VPS11: variants seen among roughly 807,000 people sequenced by gnomAD.
VPS11 encodes VPS11 core subunit of CORVET and HOPS complexes.
VPS11 carries 51 observed loss-of-function variants against 106.8 expected under a neutral mutation model. The ratio of observed to expected loss-of-function variants is 0.48; its 90% confidence interval spans 0.38 to 0.60. VPS11 has a LOEUF of 0.60. Ranked by LOEUF, VPS11 falls within the 20% of genes least tolerant of loss-of-function variation. The pLI, the probability that VPS11 is intolerant of heterozygous loss-of-function variation, is 0.00. For synonymous variants in VPS11, 453 were observed against 458.7 expected (o/e 0.99, Z 0.16); for missense variants, 950 against 1,190.0 (o/e 0.80, Z 2.97).
intron 9 of VPS11, 76 bp from the exon 10 acceptor site, chr11:119,077,802 A>G (rs1002758698): frequency 1.8e-5 from 28 of 1,574,590 alleles, no homozygotes; most frequent in Non-Finnish European, 2.4e-5. Context: ...TTTTGAAGAC[A>G]TCTCCAGAAT....
intron 1 of VPS11, 158 bp downstream of exon 1, chr11:119,068,168 C>G (rs1000981593): frequency 3.3e-5 from 28 of 853,754 alleles, no homozygotes; most frequent in Non-Finnish European, 4.5e-5. Flanking sequence ...GAAGGAAGTC[C>G]ATCTCCTAAC....
rs1257852480 is a variant in VPS11 at position 119,077,569 on chromosome 11, C to T, written c.1494C>T (p.Tyr498=). 4 of 1,613,910 alleles carry T rather than the reference C, an allele frequency of 2.5e-6. No individual in the cohort carries two copies. In the East Asian group the frequency reaches 8.9e-5, roughly 36 times the overall value. The change falls in exon 9 of 16, where the codon TAC becomes TAT. Residue 498 remains tyrosine, a synonymous_variant. Coordinates refer to ENST00000621676, the MANE Select transcript of VPS11 (RefSeq NM_021729.6). ...TCAAGGTCCTCCGGCAGGCTGGCTA[C>T]TACTCCCATGCCCTGTATCTGGCGG... is the stretch of plus-strand genomic sequence containing the variant. The part of the protein sequence containing the change: ...TAIKVLRQAG[Y]YSHALYLAEN...
chr11:119,069,536 C>T lies in VPS11; in HGVS notation c.431C>T (p.Ser144Phe). ...AIPGTEPTVVSCLTVHENLNF... is the reference protein window; with the variant it reads ...AIPGTEPTVVFCLTVHENLNF... ...CCAGGAACAGAGCCAACTGTTGTAT[C>T]TTGTTTGACTGTCCATGAAAATCTC... Residue 144 changes from serine (S) to phenylalanine (F), a missense_variant, in exon 3 of 16, where the codon TCT (serine) becomes TTT (phenylalanine). Transcript: ENST00000621676. The T allele has an allele frequency of 6.2e-7, 1 of 1,614,036 alleles. No individual in the cohort carries two copies. The highest frequency in any genetic ancestry group is 8.5e-7 in the Non-Finnish European group (1 of 1,179,906).
rs1945858491 is a variant in VPS11, at chr11:119,081,683, C to T, written c.*60C>T. 2 of 1,582,882 alleles carry T rather than the reference C, an allele frequency of 1.3e-6. No individual in the cohort carries two copies. The highest frequency in any genetic ancestry group is 1.7e-6 in the Non-Finnish European group (2 of 1,162,766). ...ACCAAGAGAACAGACACAATGGGACCTGGGCGGGCGTTACACAGAAGGCTG... is the reference window on the plus strand; with the variant it reads ...ACCAAGAGAACAGACACAATGGGACTTGGGCGGGCGTTACACAGAAGGCTG... On this transcript the variant is annotated 3_prime_UTR_variant, in exon 16 of 16. Coordinates refer to ENST00000621676, the MANE Select transcript of VPS11 (RefSeq NM_021729.6).
Position 119,071,214 on chromosome 11 carries a change from G to A in VPS11, c.637-382G>A, listed in dbSNP as rs182870941. Among the ~76,000 whole-genome samples the A allele has an allele frequency of 2.0e-5, 3 of 152,312 alleles. No homozygotes were observed. In the East Asian group the frequency reaches 5.8e-4, roughly 29 times the overall value. Reference sequence around the variant, plus strand: ...CAAAGTGCTGGAATTACAGGCATGAGCCACTGCACCGGCCTATTTTCTAAC... The same window carrying A: ...CAAAGTGCTGGAATTACAGGCATGAACCACTGCACCGGCCTATTTTCTAAC... On this transcript the variant is annotated intron_variant, in intron 4 of 15. Transcript: ENST00000621676.
In VPS11 at chr11:119,077,574, C is replaced by T. The variant is rs1267954522; in HGVS notation, c.1499C>T (p.Ser500Phe). The change falls in exon 9 of 16, where the codon TCC (serine) becomes TTC (phenylalanine). Residue 500 changes from serine (S) to phenylalanine (F), a missense_variant. Physicochemically the swap from Ser to Phe is radical, Grantham distance 155. Coordinates refer to ENST00000621676, the MANE Select transcript of VPS11 (RefSeq NM_021729.6). ...GTCCTCCGGCAGGCTGGCTACTACTCCCATGCCCTGTATCTGGCGGAGAAC... is the reference window on the plus strand; with the variant it reads ...GTCCTCCGGCAGGCTGGCTACTACTTCCATGCCCTGTATCTGGCGGAGAAC... The part of the protein sequence containing the change: ...IKVLRQAGYY[S>F]HALYLAENHA... The T allele has an allele frequency of 1.2e-6, 2 of 1,613,986 alleles. No homozygotes were observed. The highest frequency in any genetic ancestry group is 4.5e-5 in the East Asian group (2 of 44,894).
rs1945208004 is a variant in VPS11 at position 119,068,443 on chromosome 11, C to CTTTTTTTTTTTTTTTTTTTTTTTTTTT, written c.187+433_187+434insTTTTTTTTTTTTTTTTTTTTTTTTTTT. ...CTGCTACTAAATTCTGGCCTTTTTA[C>CTTTTTTTTTTTTTTTTTTTTTTTTTTT]CTTTTTTTTTTTTTTTTTTTTTTTG... On this transcript the variant is annotated intron_variant, in intron 1 of 15. Coordinates refer to ENST00000621676, the MANE Select transcript of VPS11 (RefSeq NM_021729.6). Among the ~76,000 whole-genome samples, 9 of 35,796 alleles carry CTTTTTTTTTTTTTTTTTTTTTTTTTTT rather than the reference C, an allele frequency of 2.5e-4. 4 individuals carry two copies. The highest frequency in any genetic ancestry group is 1.2e-4 in the African/African-American group (2 of 17,272). The allele number at this position is 35,796 out of a possible 152,430, so 23.5% of individuals were successfully genotyped here. A position where few individuals can be genotyped will look rare whatever the true frequency, so the allele number is the denominator to read the frequency against.
chr11:119,080,748 G>A (rs782242380), intron 14 of VPS11, among the ~76,000 whole-genome samples: 9 of 152,224 alleles, frequency 5.9e-5, no homozygotes, highest in Non-Finnish European at 1.2e-4. Context: ...AGTGGGAGAA[G>A]TGTGTTAACA....
At chr11:119,075,894 T>G (rs1945593882) in intron 7 of VPS11, among the ~76,000 whole-genome samples, 1 of 148,332 alleles carries the variant, frequency 6.7e-6, no homozygotes, top group South Asian at 2.1e-4. Flanking sequence ...AGAGCAAGAC[T>G]CTATCAAAAA....
At chr11:119,076,155 G>A in intron 7 of VPS11, among the ~76,000 whole-genome samples, 1 of 151,584 alleles carries the variant, frequency 6.6e-6, no homozygotes, top group East Asian at 2.0e-4. Flanking sequence ...GAACCCAGGA[G>A]GCGGAGGTTG....
rs1945269537 is a variant in VPS11, at chr11:119,069,176, G to T, written c.188-20G>T. 1 of 1,612,832 alleles carries T rather than the reference G, an allele frequency of 6.2e-7. No individual in the cohort carries two copies. Among genetic ancestry groups the T allele is most frequent in the Non-Finnish European group, 8.5e-7 (1 of 1,179,488 alleles). ...GTAAGTATCTCTCCTTGGAAAGGAGGCTCCTTGACTACCCTGCACATATGG... is the reference window on the plus strand; with the variant it reads ...GTAAGTATCTCTCCTTGGAAAGGAGTCTCCTTGACTACCCTGCACATATGG... On this transcript the variant is annotated intron_variant, in intron 1 of 15. Coordinates refer to ENST00000621676, the MANE Select transcript of VPS11 (RefSeq NM_021729.6).
intron 1 of VPS11, 46 bp downstream of exon 1, chr11:119,068,056 A>G: frequency 6.5e-7 from 1 of 1,536,358 alleles, no homozygotes; most frequent in East Asian, 2.4e-5. Context: ...GATCCCGAAG[A>G]GATCGAGTTA....
At position 119,069,501 on chromosome 11, in the gene VPS11, C is replaced by T. The variant is rs782371702; in HGVS notation, c.396C>T (p.Phe132=). 6.2e-7 allele frequency: 1 copy of T among 1,614,014 alleles called. No individual in the cohort carries two copies. The highest frequency in any genetic ancestry group is 8.5e-7 in the Non-Finnish European group (1 of 1,179,902). The part of the protein sequence containing the change: ...DGGNPLCTRI[F]PAIPGTEPTV... Reference sequence around the variant, plus strand: ...GCAATCCACTCTGCACTCGAATCTTCCCTGCTATTCCAGGAACAGAGCCAA... The same window carrying T: ...GCAATCCACTCTGCACTCGAATCTTTCCTGCTATTCCAGGAACAGAGCCAA... Residue 132 remains phenylalanine, a synonymous_variant, in exon 3 of 16, where the codon TTC becomes TTT. Coordinates refer to ENST00000621676, the MANE Select transcript of VPS11 (RefSeq NM_021729.6).
At chr11:119,069,661 C>T in intron 3 of VPS11, 84 bp downstream of exon 3, 1 of 1,585,292 alleles carries the variant, frequency 6.3e-7, no homozygotes, top group Non-Finnish European at 8.6e-7. Context: ...TTACTGTTTT[C>T]AGGAGACCAC....
At chr11:119,069,077 A>G in intron 1 of VPS11, 119 bp from the exon 2 acceptor site, 3 of 1,206,020 alleles carry the variant, frequency 2.5e-6, no homozygotes, top group Non-Finnish European at 3.3e-6. Context: ...TTTTAAGATA[A>G]GGAGTATGTG....
At position 119,073,213 on chromosome 11, in the gene VPS11, C is replaced by G. The variant is rs1945465419; in HGVS notation, c.900C>G (p.Ser300Arg). 2.5e-6 allele frequency: 4 copies of G among 1,613,104 alleles called. No homozygotes were observed. The highest frequency in any genetic ancestry group is 3.3e-5 in the Admixed American group (2 of 59,836). The change falls in exon 6 of 16, where the codon AGC becomes AGG. Residue 300 changes from serine to arginine, a missense_variant. By Grantham distance (110) the Ser-to-Arg change is moderately radical. Transcript: ENST00000621676. ...RKVSPKSEFT[S>R]RDSQSSDKQI... ...TCCTATGCAGGTCAGAGTTTACCAGCAGGGATTCACAGAGCTCCGACAAGC... is the reference window on the plus strand; with the variant it reads ...TCCTATGCAGGTCAGAGTTTACCAGGAGGGATTCACAGAGCTCCGACAAGC...
rs1312578696 is a variant in VPS11 at position 119,069,380 on chromosome 11, G to A, written c.336+36G>A. 5.0e-6 allele frequency: 8 copies of A among 1,613,810 alleles called. No individual in the cohort carries two copies. The South Asian group carries it at 8.8e-5, about 18-fold the overall frequency. On this transcript the variant is annotated intron_variant, in intron 2 of 15. Coordinates refer to ENST00000621676, the MANE Select transcript of VPS11 (RefSeq NM_021729.6). ...GCAGGGAAATGGGAAAGATCCAGAA[G>A]CCTAGGAATGATTTTTTGTTGGAGG...
rs371894914 is a variant in VPS11 at position 119,078,787 on chromosome 11, G to A, written c.2064-8G>A. ...AGCCACTGAGGTGTGCCCTTGCCCC[G>A]GCCGCAGGTTCCAGCAGATCATGCA... is the stretch of plus-strand genomic sequence containing the variant. On this transcript the variant is annotated splice_polypyrimidine_tract_variant and splice_region_variant and intron_variant, in intron 12 of 15. Transcript: ENST00000621676. 56 of 1,611,992 alleles carry A rather than the reference G, an allele frequency of 3.5e-5. No homozygotes were observed. Among genetic ancestry groups the A allele is most frequent in the Non-Finnish European group, 4.6e-5 (54 of 1,179,076 alleles).
At chr11:119,077,165 A>T (rs1199092353) in intron 8 of VPS11, 82 bp downstream of exon 8, 4 of 1,502,070 alleles carry the variant, frequency 2.7e-6, no homozygotes. Flanking sequence ...CGTTTCAGCA[A>T]GACATAGGGA....
Sources: gnomAD v4.1 joint callset for allele counts (sites outside exome capture counted in the v4.1 genomes callset) on GRCh38, gnomAD v4.1.1 for gene constraint, MANE v1.5 for transcripts, NCBI Gene and HGNC (gene_info 2026-07-23, HGNC 2026-07-21) for gene names.